PAPPA2: variants seen among roughly 807,000 people sequenced by gnomAD.
PAPPA2 encodes the protein pappalysin-2.
In PAPPA2, 86 loss-of-function variants were observed where a neutral mutation model predicts 176.4. The observed-to-expected ratio is 0.49, with a 90% CI of 0.41 to 0.58. The LOEUF (loss-of-function observed/expected upper bound fraction) is 0.58. PAPPA2 is among the 20% of genes least tolerant of loss of function. PAPPA2 has a pLI of 0.00. For missense variants in PAPPA2, 2,073 were observed against 2,256.9 expected (o/e 0.92, Z 1.65); for synonymous variants, 809 against 852.2 (o/e 0.95, Z 0.88).
At position 176,492,973 on chromosome 1, in the gene PAPPA2, C is replaced by A. The variant is rs575382233; in HGVS notation, c.-917+29555C>A. On this transcript the variant is annotated intron_variant, in intron 1 of 22. Coordinates refer to ENST00000367662, the MANE Select transcript of PAPPA2 (RefSeq NM_020318.3). ...TTTTCTGTTGTGATTCAGGATAATA[C>A]CCTCTAGTGTGATCTATTTTATCCT... Among the ~76,000 whole-genome samples the A allele has an allele frequency of 2.0e-5, 3 of 152,152 alleles. No individual in the cohort carries two copies. The East Asian group carries it at 5.8e-4, about 29-fold the overall frequency.
At chr1:176,663,991 A>G (rs1658488574) in intron 3 of PAPPA2, among the ~76,000 whole-genome samples, 1 of 152,094 alleles carries the variant, frequency 6.6e-6, no homozygotes, top group African/African-American at 2.4e-5. Flanking sequence ...GGAGTGGTGA[A>G]ATACACTCTT....
intron 3 of PAPPA2, among the ~76,000 whole-genome samples, chr1:176,640,093 T>C (rs1459452287): frequency 6.6e-6 from 1 of 151,732 alleles, no homozygotes; most frequent in Admixed American, 6.6e-5. Context: ...TCACTACAGT[T>C]CCTATGCCAT....
At chr1:176,673,743 C>T (rs1659141688) in intron 4 of PAPPA2, among the ~76,000 whole-genome samples, 1 of 152,068 alleles carries the variant, frequency 6.6e-6, no homozygotes, top group African/African-American at 2.4e-5. Flanking sequence ...ATCAGACTGG[C>T]TAAGGCAACA....
At chr1:176,744,142 G>A (rs1477836004) in intron 14 of PAPPA2, among the ~76,000 whole-genome samples, 3 of 152,082 alleles carry the variant, frequency 2.0e-5, no homozygotes, top group African/African-American at 7.2e-5. Flanking sequence ...AGATAGTTAA[G>A]TATATAATTT....
chr1:176,829,087 A>G (rs1037626966), intron 21 of PAPPA2, among the ~76,000 whole-genome samples: 2 of 152,198 alleles, frequency 1.3e-5, no homozygotes, highest in African/African-American at 4.8e-5. Flanking sequence ...GTTTACCCCA[A>G]AGTGAAACAC....
intron 1 of PAPPA2, among the ~76,000 whole-genome samples, chr1:176,471,940 C>T (rs1200054498): frequency 6.6e-6 from 1 of 152,172 alleles, no homozygotes; most frequent in Non-Finnish European, 1.5e-5. Context: ...TGGTGAAACT[C>T]AGAGTCTATC....
In PAPPA2 at chr1:176,652,596, C is replaced by T. The variant is rs1211765263; in HGVS notation, c.1992-18374C>T. On this transcript the variant is annotated intron_variant, in intron 3 of 22. Transcript: ENST00000367662. ...CACTCTGATTTTGCATCTTCTTTGG[C>T]TAAGGTACAAAGCAGAGTTTCCAGG... Among the ~76,000 whole-genome samples, 5 of 151,662 alleles carry T rather than the reference C, an allele frequency of 3.3e-5. No individual in the cohort carries two copies. In the East Asian group the frequency reaches 7.8e-4, roughly 24 times the overall value.
intron 17 of PAPPA2, among the ~76,000 whole-genome samples, chr1:176,778,344 C>G (rs1454950658): frequency 6.6e-6 from 1 of 152,054 alleles, no homozygotes; most frequent in Non-Finnish European, 1.5e-5. Flanking sequence ...CAAGATAGAT[C>G]TGGTCATAAT....
intron 3 of PAPPA2, among the ~76,000 whole-genome samples, chr1:176,623,758 C>CCTTCCTTCCTTTCTTT (rs1198828841): frequency 0.016 from 969 of 58,964 alleles, 58 homozygotes; most frequent in Middle Eastern, 0.033. Context: ...TTCCTTCCTT[C>CCTTCCTTCCTTTCTTT]CTTTCTTTCT....
chr1:176,700,913 A>C (rs1395017560), intron 8 of PAPPA2, among the ~76,000 whole-genome samples: 3 of 152,160 alleles, frequency 2.0e-5, no homozygotes, highest in Non-Finnish European at 2.9e-5. Flanking sequence ...GTCAATTAGA[A>C]CTAGAAGATA....
intron 2 of PAPPA2, among the ~76,000 whole-genome samples, chr1:176,565,207 G>A (rs1276634591): frequency 1.3e-5 from 2 of 151,970 alleles, no homozygotes; most frequent in African/African-American, 4.8e-5. Flanking sequence ...TCCACTTTTT[G>A]GCTGTTATGA....
chr1:176,650,615 G>C (rs557514964), intron 3 of PAPPA2, among the ~76,000 whole-genome samples: 1 of 151,434 alleles, frequency 6.6e-6, no homozygotes, highest in Admixed American at 6.6e-5. Flanking sequence ...GTGTCCAACT[G>C]TTCTCATTGT....
intron 14 of PAPPA2, among the ~76,000 whole-genome samples, chr1:176,744,029 A>G (rs1196855951): frequency 3.3e-5 from 5 of 152,174 alleles, no homozygotes; most frequent in Non-Finnish European, 7.4e-5. Context: ...TAGATTTCCC[A>G]GTCTACCTGG....
Position 176,817,589 on chromosome 1 carries a change from A to G in PAPPA2, c.5202+17457A>G, listed in dbSNP as rs1330248223. Among the ~76,000 whole-genome samples, 9 of 152,164 alleles carry G rather than the reference A, an allele frequency of 5.9e-5. 1 individual carries two copies. The highest frequency in any genetic ancestry group is 5.9e-4 in the Admixed American group (9 of 15,268). On this transcript the variant is annotated intron_variant, in intron 21 of 22. Transcript: ENST00000367662. Reference sequence around the variant, plus strand: ...AGCCCAGACAAGGCACCAATAGTATAGATAGGAAGAAGTAATCATTGAAAG... The same window carrying G: ...AGCCCAGACAAGGCACCAATAGTATGGATAGGAAGAAGTAATCATTGAAAG...
chr1:176,643,545 C>T (rs931999584), intron 3 of PAPPA2, among the ~76,000 whole-genome samples: 8 of 151,208 alleles, frequency 5.3e-5, no homozygotes, highest in Admixed American at 5.3e-4. Context: ...CTAGAGTATA[C>T]CAGGAGTACC....
At chr1:176,794,989 C>G (rs61821283) in intron 20 of PAPPA2, among the ~76,000 whole-genome samples, 62,772 of 151,980 alleles carry the variant, frequency 0.41, 14,399 homozygotes, top group African/African-American at 0.6. Context: ...CTGGCAGTTG[C>G]GACAGGCAGG....
chr1:176,508,709 T>C (rs1049509064), intron 1 of PAPPA2, among the ~76,000 whole-genome samples: 12 of 152,134 alleles, frequency 7.9e-5, no homozygotes, highest in African/African-American at 2.9e-4. Flanking sequence ...TGGGAAATGA[T>C]TGAATCATGG....
rs368090795 is a variant in PAPPA2, at chr1:176,489,856, AAAGC to A, written c.-917+26442_-917+26445del. ...TTGTCTGCCCATCATTAATTCCTTAAAAGCAAGGACTGATGCTCATTCAGCTATT... is the reference window on the plus strand; with the variant it reads ...TTGTCTGCCCATCATTAATTCCTTAAAAGGACTGATGCTCATTCAGCTATT... On this transcript the variant is annotated intron_variant, in intron 1 of 22. Transcript: ENST00000367662. 4.6e-3 allele frequency among the ~76,000 whole-genome samples: 697 copies of A among 152,276 alleles called. 2 individuals are homozygous for A. The highest frequency in any genetic ancestry group is 8.0e-3 in the Non-Finnish European group (542 of 68,016).
rs772059804 is a variant in PAPPA2 at position 176,692,158 on chromosome 1, C to A, written c.2464C>A (p.Gln822Lys). The A allele has an allele frequency of 6.2e-7, 1 of 1,613,922 alleles. No individual in the cohort carries two copies. The highest frequency in any genetic ancestry group is 2.2e-5 in the East Asian group (1 of 44,886). ...DNCTDNFTPN[Q>K]VARMHCYLDL... Reference sequence around the variant, plus strand: ...CTGCACTGACAACTTCACTCCTAACCAAGTGGCCCGAATGCATTGCTATTT... The same window carrying A: ...CTGCACTGACAACTTCACTCCTAACAAAGTGGCCCGAATGCATTGCTATTT... The change falls in exon 6 of 23, where the codon CAA becomes AAA. Residue 822 changes from glutamine to lysine, a missense_variant. Physicochemically the swap from Gln to Lys is moderately conservative, Grantham distance 53. This residue lies in a region of PAPPA2 where 1,196 missense variants were observed against 1,330.4 expected (regional missense o/e 0.90). Coordinates refer to ENST00000367662, the MANE Select transcript of PAPPA2 (RefSeq NM_020318.3).
Sources: allele counts gnomAD v4.1 joint callset (sites outside exome capture counted in the v4.1 genomes callset), GRCh38; gene constraint gnomAD v4.1.1; regional missense constraint gnomAD v4.1.1; transcripts MANE v1.5; gene names NCBI Gene and HGNC (gene_info 2026-07-23, HGNC 2026-07-21).